Variants in MROH9 observed in about 807,000 individuals in gnomAD.
MROH9 encodes maestro heat-like repeat-containing protein family member 9.
In MROH9, 92 loss-of-function variants were observed where a neutral mutation model predicts 98.2. That is an observed-to-expected ratio of 0.94 (90% CI 0.79 to 1.11). MROH9 has a LOEUF of 1.11. Ranked by LOEUF, MROH9 falls within the 50% of genes most tolerant of loss-of-function variation. The pLI is 0.00. For missense variants in MROH9, 1,057 were observed against 1,014.8 expected (o/e 1.04, Z -0.57); for synonymous variants, 397 against 368.9 (o/e 1.08, Z -0.87).
chr1:171,033,630 G>T (rs1653001764), intron 20 of MROH9, among the ~76,000 whole-genome samples: 1 of 152,176 alleles, frequency 6.6e-6, no homozygotes, highest in South Asian at 2.1e-4. Flanking sequence ...GGCTGCCAGT[G>T]AAGGATTCAC....
At chr1:170,977,570 ACT>A (rs1331933892) in intron 8 of MROH9, among the ~76,000 whole-genome samples, 7 of 151,894 alleles carry the variant, frequency 4.6e-5, no homozygotes, top group African/African-American at 1.7e-4. Context: ...CAGTTGGTAG[ACT>A]CTTGCTCAGT....
intron 16 of MROH9, 25 bp downstream of exon 16, chr1:171,014,279 C>G (rs1369572676): frequency 6.5e-7 from 1 of 1,534,774 alleles, no homozygotes; most frequent in East Asian, 2.5e-5. Flanking sequence ...TTTGTGTCTG[C>G]AAGCATCATC....
intron 11 of MROH9, 150 bp downstream of exon 11, chr1:170,990,153 A>T: frequency 1.3e-6 from 1 of 752,448 alleles, no homozygotes; most frequent in Non-Finnish European, 2.0e-6. Flanking sequence ...CATGTGGGAT[A>T]CTTGTAAGAC....
intron 20 of MROH9, among the ~76,000 whole-genome samples, chr1:171,053,087 G>A (rs56035744): frequency 0.12 from 18,347 of 152,042 alleles, 1,206 homozygotes; most frequent in Middle Eastern, 0.22. Context: ...AACTCGCTGC[G>A]GCTTCAACAA....
Position 170,983,530 on chromosome 1 carries a change from C to T in MROH9, c.725C>T (p.Ala242Val). 1 of 1,589,576 alleles carries T rather than the reference C, an allele frequency of 6.3e-7. No homozygotes were observed. Among genetic ancestry groups the T allele is most frequent in the Non-Finnish European group, 8.6e-7 (1 of 1,158,508 alleles). ...TTTCAACAAGACGAAAGTAAAATAG[C>T]TCAGGTAACTTAGCCCCCACTTTTT... ...KEFQQDESKIAQRVGQTLLPP... is the reference protein window; with the variant it reads ...KEFQQDESKIVQRVGQTLLPP... The change falls in exon 9 of 22, where the codon GCT becomes GTT. Residue 242 changes from alanine to valine, a missense_variant. Physicochemically the swap from Ala to Val is moderately conservative, Grantham distance 64. Coordinates refer to ENST00000367759, the MANE Select transcript of MROH9 (RefSeq NM_001163629.2).
intron 4 of MROH9, among the ~76,000 whole-genome samples, chr1:170,958,803 A>G (rs1400726396): frequency 2.6e-5 from 4 of 152,208 alleles, no homozygotes; most frequent in Admixed American, 2.6e-4. Context: ...TAAGATGTGA[A>G]AAACATATTA....
At chr1:171,004,613 C>T (rs375642549) in intron 15 of MROH9, among the ~76,000 whole-genome samples, 3 of 152,152 alleles carry the variant, frequency 2.0e-5, no homozygotes, top group South Asian at 2.1e-4. Context: ...GGGTATCTTC[C>T]GGGTCCTGCA....
intron 20 of MROH9, among the ~76,000 whole-genome samples, chr1:171,046,485 G>A (rs1653476937): frequency 6.6e-6 from 1 of 152,042 alleles, no homozygotes; most frequent in African/African-American, 2.4e-5. Flanking sequence ...GCTACCACGG[G>A]ACTTGCAAAT....
intron 7 of MROH9, among the ~76,000 whole-genome samples, chr1:170,967,956 A>C (rs985684448): frequency 6.6e-6 from 1 of 152,200 alleles, no homozygotes; most frequent in Non-Finnish European, 1.5e-5. Context: ...TCCCCACAAA[A>C]TGATGGTAAT....
intron 6 of MROH9, among the ~76,000 whole-genome samples, chr1:170,963,674 A>G (rs1007260910): frequency 1.3e-5 from 2 of 152,104 alleles, no homozygotes; most frequent in Non-Finnish European, 2.9e-5. Flanking sequence ...AAGATTATGT[A>G]CTTTGCAGGA....
intron 8 of MROH9, among the ~76,000 whole-genome samples, chr1:170,982,950 T>C (rs1243515118): frequency 6.6e-6 from 1 of 152,164 alleles, no homozygotes; most frequent in African/African-American, 2.4e-5. Flanking sequence ...TATATCTCTA[T>C]AGAGCTATTT....
chr1:170,997,097 T>G (rs148600309), intron 14 of MROH9, among the ~76,000 whole-genome samples: 1 of 152,254 alleles, frequency 6.6e-6, no homozygotes, highest in East Asian at 1.9e-4. Context: ...AAAGGGGGTT[T>G]TCTAGTTAAC....
At chr1:171,032,169 C>A (rs1652937461) in intron 20 of MROH9, among the ~76,000 whole-genome samples, 2 of 152,156 alleles carry the variant, frequency 1.3e-5, no homozygotes, top group Admixed American at 6.5e-5. Flanking sequence ...ATTCAGTTAG[C>A]AGCTCCTATA....
chr1:170,977,055 G>A (rs1285828091), intron 8 of MROH9, among the ~76,000 whole-genome samples: 2 of 151,854 alleles, frequency 1.3e-5, no homozygotes, highest in African/African-American at 4.8e-5. Flanking sequence ...TTTGCATTTT[G>A]AAATTCTTGT....
chr1:171,049,340 G>A (rs559524154), intron 20 of MROH9, among the ~76,000 whole-genome samples: 1 of 152,290 alleles, frequency 6.6e-6, no homozygotes, highest in Non-Finnish European at 1.5e-5. Context: ...AGTGGCAGCA[G>A]TATGGTGCTA....
chr1:171,022,224 T>C (rs1652542918), intron 17 of MROH9, among the ~76,000 whole-genome samples: 1 of 152,238 alleles, frequency 6.6e-6, no homozygotes, highest in Admixed American at 6.5e-5. Flanking sequence ...AAATACCATC[T>C]GACCCAGCAA....
At chr1:171,014,278 G>T (rs1415428128) in intron 16 of MROH9, 24 bp downstream of exon 16, 2 of 1,535,760 alleles carry the variant, frequency 1.3e-6, no homozygotes, top group Non-Finnish European at 1.8e-6. Context: ...ATTTGTGTCT[G>T]CAAGCATCAT....
At chr1:170,992,791 G>T (rs1333885498) in intron 12 of MROH9, among the ~76,000 whole-genome samples, 2 of 152,152 alleles carry the variant, frequency 1.3e-5, no homozygotes, top group Non-Finnish European at 1.5e-5. Context: ...ATACAAGGAA[G>T]CCAAAGAATC....
chr1:171,052,271 T>C (rs60005142), intron 20 of MROH9, among the ~76,000 whole-genome samples: 3,832 of 152,314 alleles, frequency 0.025, 166 homozygotes, highest in African/African-American at 0.087. Context: ...TATTTGAATC[T>C]CTTATTTGAG....
Sources: gnomAD v4.1 joint callset for allele counts (sites outside exome capture counted in the v4.1 genomes callset) on GRCh38, gnomAD v4.1.1 for gene constraint, MANE v1.5 for transcripts, NCBI Gene and HGNC (gene_info 2026-07-23, HGNC 2026-07-21) for gene names.